The following ABCA10 variants were observed in gnomAD, a reference collection of about 807,000 sequenced individuals.
ABCA10 encodes the protein ATP binding cassette subfamily A member 10.
ABCA10 carries 169 observed loss-of-function variants against 187.5 expected under a neutral mutation model. The ratio of observed to expected loss-of-function variants is 0.90; its 90% CI spans 0.80 to 1.02. The LOEUF (loss-of-function observed/expected upper bound fraction) is 1.02, where lower values mean the gene tolerates loss of function less well. Among genes scored for constraint, ABCA10 ranks in the 50% least tolerant of loss-of-function variants. The pLI, the probability that ABCA10 is intolerant of heterozygous loss-of-function variation, is 0.00. For synonymous variants in ABCA10, 574 were observed against 601.8 expected, an observed-to-expected ratio of 0.95 and a Z score of 0.68; for missense variants, 1,727 against 1,812.4, an observed-to-expected ratio of 0.95 and a Z score of 0.86.
At chr17:69,171,867 T>A (rs1350180361) in intron 25 of ABCA10, among the ~76,000 whole-genome samples, 4 of 141,964 alleles carry the variant, frequency 2.8e-5, no homozygotes, top group African/African-American at 1.0e-4. Flanking sequence ...AGATTTTTTT[T>A]AAACTACGAG....
At position 69,219,576 on chromosome 17, in the gene ABCA10, T is replaced by C. The variant is rs200831625; in HGVS notation, c.499A>G (p.Thr167Ala). The C allele has an allele frequency of 1.4e-4, 217 of 1,606,894 alleles. 1 individual carries two copies. Among genetic ancestry groups the C allele is most frequent in the Non-Finnish European group, 8.9e-5 (105 of 1,176,970 alleles). Residue 167 changes from threonine to alanine, a missense_variant, in exon 6 of 39, where the codon ACA becomes GCA. Thr to Ala is a moderately conservative substitution (Grantham distance 58). Coordinates refer to ENST00000690296, the MANE Select transcript of ABCA10 (RefSeq NM_001377321.1). The part of the protein sequence containing the change: ...RERGKFKKLM[T>A]VMGLRESAFW... ...GCTGACTCTCGGAGACCCATCACTGTCATCAGTTTCTTAAATTTTCCTCTT... is the reference window on the plus strand; with the variant it reads ...GCTGACTCTCGGAGACCCATCACTGCCATCAGTTTCTTAAATTTTCCTCTT...
At chr17:69,166,848 A>G (rs1220046888) in intron 25 of ABCA10, among the ~76,000 whole-genome samples, 1 of 152,168 alleles carries the variant, frequency 6.6e-6, no homozygotes. Flanking sequence ...TTCTGGGGGG[A>G]AAAGTGCCAC....
At chr17:69,182,549 C>A (rs1425963412) in intron 21 of ABCA10, 126 bp downstream of exon 21, 18 of 1,204,120 alleles carry the variant, frequency 1.5e-5, no homozygotes, top group East Asian at 2.7e-5. Flanking sequence ...AAGAAAGTTT[C>A]AAGCCTCCTC....
At chr17:69,182,021 G>C (rs2074383640) in intron 22 of ABCA10, 132 bp downstream of exon 22, 2 of 879,052 alleles carry the variant, frequency 2.3e-6, no homozygotes, top group African/African-American at 3.5e-5. Context: ...AAGACACAAA[G>C]GCAAGGAGTA....
chr17:69,202,062 C>T lies in ABCA10; in HGVS notation c.1007-394G>A, dbSNP rs1283142877. On this transcript the variant is annotated intron_variant, in intron 9 of 38. Coordinates refer to ENST00000690296, the MANE Select transcript of ABCA10 (RefSeq NM_001377321.1). ...CCTCCCAAAGTGCTGGGATTACAGG[C>T]GTGAGCCACCGTGCCCGGCTATAAT... Among the ~76,000 whole-genome samples the T allele has an allele frequency of 5.9e-5, 9 of 152,152 alleles. No individual in the cohort carries two copies. In the East Asian group the frequency reaches 1.2e-3, roughly 20 times the overall value.
chr17:69,162,808 T>TATACATATACACATAC (rs1416496054), intron 27 of ABCA10, among the ~76,000 whole-genome samples: 2 of 126,274 alleles, frequency 1.6e-5, no homozygotes, highest in African/African-American at 6.6e-5. Flanking sequence ...AAAAATTACA[T>TATACATATACACATAC]ATATACATAT....
intron 9 of ABCA10, among the ~76,000 whole-genome samples, chr17:69,205,316 G>C (rs1044996873): frequency 6.6e-6 from 1 of 152,144 alleles, no homozygotes; most frequent in African/African-American, 2.4e-5. Context: ...GTAGCCTCTA[G>C]ATGGAAAAAC....
At chr17:69,174,251 A>G (rs2074316620) in intron 25 of ABCA10, 30 bp downstream of exon 25, 1 of 1,445,844 alleles carries the variant, frequency 6.9e-7, no homozygotes, top group African/African-American at 1.5e-5. Flanking sequence ...GAAATTTAAT[A>G]TAAATGTGCA....
rs1225306046 is a variant in ABCA10, at chr17:69,187,598, ATAAAT to A, written c.2330+78_2330+82del. 2.2e-6 allele frequency: 3 copies of A among 1,375,818 alleles called. No homozygotes were observed. In the African/African-American group the frequency reaches 4.4e-5, roughly 20 times the overall value. 85.2% of individuals were successfully genotyped at this position (1,375,818 alleles called of 1,614,324 possible). The stretch of plus-strand genomic sequence containing the variant: ...TACAAAAAAACTGTTAAATGAATGA[ATAAAT>A]TAATATATTTACTTTCTTAATATTT... On this transcript the variant is annotated intron_variant, in intron 19 of 38. Transcript: ENST00000690296.
chr17:69,244,115 G>A (rs1272188813), intron 1 of ABCA10, among the ~76,000 whole-genome samples: 2 of 152,090 alleles, frequency 1.3e-5, no homozygotes, highest in Non-Finnish European at 2.9e-5. Context: ...GAGAGTAACT[G>A]AACCTGTTAT....
At chr17:69,189,423 C>A (rs1411342758) in intron 18 of ABCA10, among the ~76,000 whole-genome samples, 1 of 151,976 alleles carries the variant, frequency 6.6e-6, no homozygotes, top group Non-Finnish European at 1.5e-5. Context: ...GGATATTATA[C>A]CTTTGTTGGG....
intron 27 of ABCA10, among the ~76,000 whole-genome samples, chr17:69,161,478 C>A (rs565287379): frequency 1.8e-4 from 28 of 152,266 alleles, no homozygotes; most frequent in Admixed American, 4.6e-4. Flanking sequence ...CACCACAGGT[C>A]ACTGACTAGA....
chr17:69,215,831 G>A lies in ABCA10; in HGVS notation c.842C>T (p.Thr281Ile). The A allele has an allele frequency of 3.8e-6, 6 of 1,587,180 alleles. No individual in the cohort carries two copies. The highest frequency in any genetic ancestry group is 5.1e-6 in the Non-Finnish European group (6 of 1,171,772). ...VLSLLSPFAF[T>I]AGMAQITHLD... Reference sequence around the variant, plus strand: ...TGTTCTTACCTGGGCCATTCCAGCAGTGAAGGCAAAAGGGCTAAGAAGACT... The same window carrying A: ...TGTTCTTACCTGGGCCATTCCAGCAATGAAGGCAAAAGGGCTAAGAAGACT... Residue 281 changes from threonine to isoleucine, a missense_variant, in exon 8 of 39, where the codon ACT becomes ATT. Thr to Ile is a moderately conservative substitution (Grantham distance 89). Coordinates refer to ENST00000690296, the MANE Select transcript of ABCA10 (RefSeq NM_001377321.1).
intron 11 of ABCA10, among the ~76,000 whole-genome samples, chr17:69,195,628 T>C (rs1444904851): frequency 2.1e-5 from 3 of 140,560 alleles, no homozygotes; most frequent in African/African-American, 8.0e-5. Context: ...GGCAGGGTCA[T>C]AGGACAATAG....
At chr17:69,201,145 T>G (rs978191480) in intron 10 of ABCA10, among the ~76,000 whole-genome samples, 1 of 152,244 alleles carries the variant, frequency 6.6e-6, no homozygotes, top group African/African-American at 2.4e-5. Flanking sequence ...TATGGGAAGA[T>G]AGTCTAAGTT....
intron 9 of ABCA10, among the ~76,000 whole-genome samples, chr17:69,211,942 C>T (rs1490387640): frequency 6.6e-6 from 1 of 151,954 alleles, no homozygotes; most frequent in African/African-American, 2.4e-5. Flanking sequence ...CTTTTTGTTT[C>T]ATTTATTTTT....
Position 69,152,062 on chromosome 17 carries a change from G to A in ABCA10, c.4378C>T (p.Gln1460Ter). Residue 1460 changes from glutamine to a stop codon, truncating the protein, a stop_gained, in exon 36 of 39, where the codon CAG (glutamine) becomes TAG (stop). Coordinates refer to ENST00000690296, the MANE Select transcript of ABCA10 (RefSeq NM_001377321.1). LOFTEE classifies it high-confidence loss of function. Reference protein sequence around the residue: ...LHTEILKLFPQAAWQERYSSL... With the variant: ...LHTEILKLFP ...CTTTACCTTTCCTGCCAAGCAGCCT[G>A]TGGGAAAAGCTTCAAAATCTCTGTG... 6.2e-7 allele frequency: 1 copy of A among 1,610,876 alleles called. No individual in the cohort carries two copies.
chr17:69,162,049 A>G (rs2074222133), intron 27 of ABCA10, among the ~76,000 whole-genome samples: 1 of 152,258 alleles, frequency 6.6e-6, no homozygotes, highest in African/African-American at 2.4e-5. Flanking sequence ...GTCAAATCAC[A>G]GACATCTCAA....
At chr17:69,208,313 G>A (rs2074607096) in intron 9 of ABCA10, among the ~76,000 whole-genome samples, 1 of 151,012 alleles carries the variant, frequency 6.6e-6, no homozygotes, top group Non-Finnish European at 1.5e-5. Context: ...AGCTATTCGG[G>A]AGGCTGAGGC....
Sources: allele counts gnomAD v4.1 joint callset (sites outside exome capture counted in the v4.1 genomes callset), GRCh38; gene constraint gnomAD v4.1.1; transcripts MANE v1.5; gene names NCBI Gene and HGNC (gene_info 2026-07-23, HGNC 2026-07-21).